The following ZNF365 variants were observed in gnomAD, a reference collection of about 807,000 sequenced individuals.
The protein encoded by ZNF365 is protein ZNF365.
A neutral mutation model predicts 35.0 loss-of-function variants in ZNF365; 22 were observed. The ratio of observed to expected loss-of-function variants is 0.63; its 90% CI spans 0.45 to 0.90. The LOEUF (loss-of-function observed/expected upper bound fraction) is 0.90. Among genes scored for constraint, ZNF365 ranks in the 40% least tolerant of loss-of-function variants. The pLI is 0.00. For synonymous variants in ZNF365, 188 were observed against 196.2 expected, an observed-to-expected ratio of 0.96 and a Z score of 0.35; for missense variants, 448 against 500.3, an observed-to-expected ratio of 0.90 and a Z score of 1.00.
At chr10:62,442,449 T>C (rs745788040) in intron 3 of ZNF365, among the ~76,000 whole-genome samples, 9 of 152,188 alleles carry the variant, frequency 5.9e-5, no homozygotes, top group Non-Finnish European at 1.2e-4. Context: ...ATCGCGGATA[T>C]TTAAAGGTGT....
intron 3 of ZNF365, among the ~76,000 whole-genome samples, chr10:62,449,988 G>A (rs1247008762): frequency 6.6e-6 from 1 of 152,092 alleles, no homozygotes; most frequent in Non-Finnish European, 1.5e-5. Context: ...AGAAAAGAGT[G>A]TAGGCTGGGT....
intron 4 of ZNF365, among the ~76,000 whole-genome samples, chr10:62,473,613 G>A (rs939990187): frequency 2.0e-5 from 3 of 151,954 alleles, no homozygotes; most frequent in Non-Finnish European, 2.9e-5. Context: ...GACAAATAGT[G>A]TCTTCTTCTT....
At position 62,400,964 on chromosome 10, in the gene ZNF365, A is replaced by G. The variant is rs1839818564; in HGVS notation, c.*1175A>G. ...CTCCTTCCCTCCCTAAAATGGCTTT[A>G]GTTTCCACAAAGAGCTGTTAAGAAT... On this transcript the variant is annotated 3_prime_UTR_variant, in exon 5 of 5. Coordinates refer to ENST00000395254, the MANE Select transcript of ZNF365 (RefSeq NM_014951.3). The G allele has an allele frequency of 2.0e-6, 2 of 985,528 alleles. No individual in the cohort carries two copies. Among genetic ancestry groups the G allele is most frequent in the Non-Finnish European group, 2.4e-6 (2 of 829,926 alleles). 61.0% of individuals were successfully genotyped at this position (985,528 alleles called of 1,614,324 possible).
At chr10:62,478,008 A>T (rs915544028) in intron 4 of ZNF365, among the ~76,000 whole-genome samples, 7 of 152,182 alleles carry the variant, frequency 4.6e-5, no homozygotes, top group Non-Finnish European at 8.8e-5. Context: ...CTTTTCCCAC[A>T]AGCTGAACAT....
At chr10:62,392,862 C>T (rs988326794) in intron 3 of ZNF365, among the ~76,000 whole-genome samples, 2 of 152,126 alleles carry the variant, frequency 1.3e-5, no homozygotes, top group African/African-American at 4.8e-5. Context: ...GAACTCCTGA[C>T]CTCAGGTGAT....
chr10:62,399,324 ATTT>A (rs1399337696), intron 4 of ZNF365, among the ~76,000 whole-genome samples: 1 of 152,152 alleles, frequency 6.6e-6, no homozygotes, highest in Non-Finnish European at 1.5e-5. Context: ...CTCCCTGGGA[ATTT>A]AGTACCATGT....
rs1450132179 is a variant in ZNF365 at position 62,376,207 on chromosome 10, C to T, written c.14C>T (p.Ala5Val). The T allele has an allele frequency of 1.2e-6, 2 of 1,614,064 alleles. No homozygotes were observed. The highest frequency in any genetic ancestry group is 2.2e-5 in the East Asian group (1 of 44,884). Residue 5 changes from alanine (A) to valine (V), a missense_variant, in exon 2 of 5, where the codon GCT becomes GTT. Ala to Val is a moderately conservative substitution (Grantham distance 64, BLOSUM62 0). Around this residue, in one of 3 missense-constraint regions of ZNF365, gnomAD observed 76 missense variants for 96.7 expected, o/e 0.79. Transcript: ENST00000395254. Reference protein sequence around the residue: MQQKAFEESRYPWQE... With the variant: MQQKVFEESRYPWQE... ...ACTTTTAGAGTAATGCAACAGAAGG[C>T]TTTTGAGGAAAGCAGATATCCCTGG...
At chr10:62,464,295 A>G (rs1840896407) in intron 4 of ZNF365, among the ~76,000 whole-genome samples, 1 of 152,198 alleles carries the variant, frequency 6.6e-6, no homozygotes, top group South Asian at 2.1e-4. Flanking sequence ...TCTCCCATAT[A>G]TGTTAGCCCC....
intron 4 of ZNF365, among the ~76,000 whole-genome samples, chr10:62,471,648 T>C (rs151244140): frequency 6.6e-6 from 1 of 152,334 alleles, no homozygotes; most frequent in African/African-American, 2.4e-5. Context: ...ACCTATACCG[T>C]ACACCCACCA....
chr10:62,438,348 A>G (rs1464138304), intron 3 of ZNF365, among the ~76,000 whole-genome samples: 4 of 151,718 alleles, frequency 2.6e-5, no homozygotes, highest in Admixed American at 6.6e-5. Flanking sequence ...CAACCATGCC[A>G]GGCTAATTTT....
intron 3 of ZNF365, among the ~76,000 whole-genome samples, chr10:62,390,953 T>C (rs1839617383): frequency 1.3e-5 from 2 of 152,182 alleles, no homozygotes; most frequent in Admixed American, 6.5e-5. Context: ...GCTTGCCGGA[T>C]TGGAATTTGC....
chr10:62,384,743 A>T (rs574946647), intron 2 of ZNF365, among the ~76,000 whole-genome samples: 1 of 152,348 alleles, frequency 6.6e-6, no homozygotes, highest in Non-Finnish European at 1.5e-5. Context: ...TTTCTTAAAG[A>T]GTCATTGCAA....
At chr10:62,405,240 G>A (rs928975084), downstream of ZNF365, among the ~76,000 whole-genome samples, 4 of 152,290 alleles carry the variant, frequency 2.6e-5, no homozygotes, top group African/African-American at 9.6e-5. Context: ...CTTAGAGATG[G>A]TGTGTGTCAT....
intron 3 of ZNF365, among the ~76,000 whole-genome samples, chr10:62,392,040 G>A (rs1452451560): frequency 4.6e-5 from 7 of 152,112 alleles, no homozygotes; most frequent in African/African-American, 1.7e-4. Flanking sequence ...TTGGCCATTT[G>A]TATATCTTCT....
intron 4 of ZNF365, 129 bp downstream of exon 4, chr10:62,398,906 G>A (rs1293365652): frequency 3.4e-6 from 3 of 892,130 alleles, no homozygotes; most frequent in Non-Finnish European, 5.0e-6. Flanking sequence ...GGAGGCTTAA[G>A]TGAAAACTGA....
intron 3 of ZNF365, among the ~76,000 whole-genome samples, chr10:62,441,487 G>A (rs1045920552): frequency 2.6e-5 from 4 of 151,978 alleles, no homozygotes; most frequent in African/African-American, 9.7e-5. Context: ...GATCTTATTA[G>A]AAGTCATACA....
intron 3 of ZNF365, among the ~76,000 whole-genome samples, chr10:62,427,094 G>A (rs1473820989): frequency 6.6e-6 from 1 of 152,148 alleles, no homozygotes; most frequent in African/African-American, 2.4e-5. Flanking sequence ...ACATCCTAGC[G>A]CAACACGTTA....
At chr10:62,462,149 C>A (rs561220948) in intron 4 of ZNF365, among the ~76,000 whole-genome samples, 20 of 152,184 alleles carry the variant, frequency 1.3e-4, no homozygotes, top group African/African-American at 4.8e-4. Flanking sequence ...ACATGAGATT[C>A]TCACCTGATA....
chr10:62,411,303 T>C lies in ZNF365; in HGVS notation c.924+22727T>C, dbSNP rs181370989. 1.5e-3 allele frequency among the ~76,000 whole-genome samples: 236 copies of C among 152,314 alleles called. 2 individuals are homozygous for C. Among genetic ancestry groups the C allele is most frequent in the Non-Finnish European group, 3.0e-3 (202 of 68,040 alleles). ...GTTATCAGATTCCACATGTCAATTT[T>C]TGCTTTTGTTGCAATTGCTTTTGGT... is the stretch of plus-strand genomic sequence containing the variant. On this transcript the variant is annotated intron_variant, in intron 3 of 4. Transcript: ENST00000395255.
Sources: gnomAD v4.1 joint callset for allele counts (sites outside exome capture counted in the v4.1 genomes callset) on GRCh38, gnomAD v4.1.1 for gene constraint, gnomAD v4.1.1 regional missense constraint, MANE v1.5 for transcripts, NCBI Gene and HGNC (gene_info 2026-07-23, HGNC 2026-07-21) for gene names.